PDE4D: variants seen among roughly 807,000 people sequenced by gnomAD.
The protein encoded by PDE4D is phosphodiesterase 4D.
PDE4D carries 24 observed loss-of-function variants against 87.4 expected under a neutral mutation model. The observed-to-expected ratio is 0.27, with a 90% CI of 0.20 to 0.39. The LOEUF (loss-of-function observed/expected upper bound fraction) is 0.39, where lower values mean the gene tolerates loss of function less well. Ranked by LOEUF, PDE4D falls within the 10% of genes least tolerant of loss-of-function variation. The probability of loss-of-function intolerance (pLI) is 1.00; values close to 1 mark genes in which losing one functional copy is unlikely to be tolerated. For missense variants in PDE4D, 714 were observed against 1,041.0 expected, an observed-to-expected ratio of 0.69 and a Z score of 4.32; for synonymous variants, 384 against 383.2, an observed-to-expected ratio of 1.00 and a Z score of -0.02.
intron 5 of PDE4D, among the ~76,000 whole-genome samples, chr5:59,090,790 G>GT (rs1226560617): frequency 0.057 from 7,096 of 124,324 alleles, 599 homozygotes; most frequent in African/African-American, 0.2. Flanking sequence ...CAGTAGCCAT[G>GT]TTTTTTTTTT....
At chr5:60,117,454 T>G (rs1387361294) in intron 2 of PDE4D, among the ~76,000 whole-genome samples, 1 of 152,092 alleles carries the variant, frequency 6.6e-6, no homozygotes, top group African/African-American at 2.4e-5. Flanking sequence ...AAAAACATAA[T>G]GCCAACATTT....
At chr5:59,111,578 ACTTT>A (rs1293861986) in intron 5 of PDE4D, among the ~76,000 whole-genome samples, 5 of 152,170 alleles carry the variant, frequency 3.3e-5, no homozygotes, top group African/African-American at 1.2e-4. Context: ...AAAAAGCCAT[ACTTT>A]CTTTCTTTTA....
intron 1 of PDE4D, among the ~76,000 whole-genome samples, chr5:59,427,005 AC>A (rs1226953299): frequency 6.2e-3 from 90 of 14,468 alleles, no homozygotes; most frequent in African/African-American, 5.6e-3. Flanking sequence ...CTATACACAC[AC>A]ACACACACAC....
chr5:59,478,186 CTAAAA>C lies in PDE4D; in HGVS notation c.456-262223_456-262219del, dbSNP rs560007998. On this transcript the variant is annotated intron_variant, in intron 1 of 14. Transcript: ENST00000340635. ...AAACCTGCACATGTGCCCCCTGTAT[CTAAAA>C]TAAAAGTTAAAATTAAAACAAAACA... Among the ~76,000 whole-genome samples, 453 of 152,070 alleles carry C rather than the reference CTAAAA, an allele frequency of 3.0e-3. 1 individual carries two copies. Among genetic ancestry groups the C allele is most frequent in the African/African-American group, 0.01 (429 of 41,502 alleles).
intron 5 of PDE4D, among the ~76,000 whole-genome samples, chr5:59,065,083 C>T (rs778647189): frequency 0.19 from 11,531 of 59,810 alleles, 1,199 homozygotes; most frequent in African/African-American, 0.35. Context: ...CACACACACA[C>T]ACACACACAC....
intron 1 of PDE4D, among the ~76,000 whole-genome samples, chr5:59,403,095 A>C (rs1421559760): frequency 7.1e-6 from 1 of 139,886 alleles, no homozygotes; most frequent in Non-Finnish European, 1.6e-5. Context: ...TCCAAAACAT[A>C]ATTTTTTAAA....
chr5:59,201,480 TAATG>T (rs912689191), intron 2 of PDE4D, among the ~76,000 whole-genome samples: 7 of 152,254 alleles, frequency 4.6e-5, no homozygotes, highest in Admixed American at 1.3e-4. Context: ...TTTAAGAATA[TAATG>T]AATGATTTAA....
intron 12 of PDE4D, among the ~76,000 whole-genome samples, chr5:58,976,758 T>G (rs1743906383): frequency 6.6e-6 from 1 of 152,178 alleles, no homozygotes. Context: ...CACAAGTTTA[T>G]AAGTTTTTGA....
chr5:59,498,189 AC>A (rs2153663189), intron 1 of PDE4D, among the ~76,000 whole-genome samples: 1 of 151,878 alleles, frequency 6.6e-6, no homozygotes, highest in South Asian at 2.1e-4. Flanking sequence ...AAACATGAAA[AC>A]AAAAGGAAAG....
At chr5:59,312,239 CA>C (rs1260251892) in intron 1 of PDE4D, among the ~76,000 whole-genome samples, 1 of 152,210 alleles carries the variant, frequency 6.6e-6, no homozygotes, top group Non-Finnish European at 1.5e-5. Flanking sequence ...AGGGCTTCCC[CA>C]AATTGGCTCT....
At chr5:60,102,009 C>T (rs968155559) in intron 2 of PDE4D, among the ~76,000 whole-genome samples, 42 of 152,188 alleles carry the variant, frequency 2.8e-4, no homozygotes, top group African/African-American at 9.9e-4. Flanking sequence ...CCAAGAAAAT[C>T]GGGAGACCTC....
intron 1 of PDE4D, among the ~76,000 whole-genome samples, chr5:59,819,523 G>A (rs1411512811): frequency 3.3e-5 from 5 of 152,018 alleles, no homozygotes; most frequent in Admixed American, 6.5e-5. Flanking sequence ...TTATTTCTAC[G>A]TGATAACGTA....
chr5:60,401,559 A>T (rs1741091247), intron 1 of PDE4D, among the ~76,000 whole-genome samples: 1 of 152,220 alleles, frequency 6.6e-6, no homozygotes, highest in African/African-American at 2.4e-5. Context: ...CTTTGAACTG[A>T]TAATGATGTA....
At chr5:60,172,123 TATATA>T (rs1484500310) in intron 2 of PDE4D, among the ~76,000 whole-genome samples, 6 of 147,156 alleles carry the variant, frequency 4.1e-5, no homozygotes, top group Admixed American at 6.8e-5. Context: ...TTATATTATA[TATATA>T]ATATAATATA....
chr5:60,091,921 C>T (rs1027833938), intron 2 of PDE4D, among the ~76,000 whole-genome samples: 40 of 151,034 alleles, frequency 2.6e-4, no homozygotes, highest in East Asian at 1.4e-3. Flanking sequence ...CATGGTGGCG[C>T]GTGCCTGTAG....
chr5:59,267,534 A>G (rs1397486465), intron 1 of PDE4D, among the ~76,000 whole-genome samples: 1 of 152,100 alleles, frequency 6.6e-6, no homozygotes, highest in Non-Finnish European at 1.5e-5. Context: ...CACTGGTGCC[A>G]TCTATTTTAC....
At chr5:60,285,030 G>A (rs1334159064) in intron 1 of PDE4D, among the ~76,000 whole-genome samples, 1 of 151,978 alleles carries the variant, frequency 6.6e-6, no homozygotes, top group Non-Finnish European at 1.5e-5. Context: ...TAAGGCACTT[G>A]AGAAGCAATC....
At chr5:59,817,265 G>A (rs1294196466) in intron 1 of PDE4D, among the ~76,000 whole-genome samples, 2 of 152,220 alleles carry the variant, frequency 1.3e-5, no homozygotes, top group Non-Finnish European at 2.9e-5. Flanking sequence ...TTTCCAACAT[G>A]TAGGGGAGAA....
intron 1 of PDE4D, among the ~76,000 whole-genome samples, chr5:59,872,796 C>A (rs1395470338): frequency 6.6e-6 from 1 of 152,022 alleles, no homozygotes; most frequent in Non-Finnish European, 1.5e-5. Flanking sequence ...ATATTTTTGC[C>A]TTTGGGTAAT....
Sources: gnomAD v4.1 joint callset for allele counts (sites outside exome capture counted in the v4.1 genomes callset) on GRCh38, gnomAD v4.1.1 for gene constraint, MANE v1.5 for transcripts, NCBI Gene and HGNC (gene_info 2026-07-23, HGNC 2026-07-21) for gene names.